NSD1: variants seen among roughly 807,000 people sequenced by gnomAD.
NSD1 encodes the protein nuclear receptor binding SET domain protein 1.
NSD1 carries 26 observed loss-of-function variants against 242.7 expected under a neutral mutation model. That is an observed-to-expected ratio of 0.11 (90% CI 0.08 to 0.15). The LOEUF is 0.15. NSD1 is among the 10% of genes least tolerant of loss of function. The pLI is 1.00. For synonymous variants in NSD1, 1,106 were observed against 1,178.1 expected (o/e 0.94, Z 1.25); for missense variants, 2,495 against 3,272.8 (o/e 0.76, Z 5.80).
At position 177,207,593 on chromosome 5, in the gene NSD1, ATTTTTTTTT is replaced by A. The variant is rs150492535; in HGVS notation, c.1237-2022_1237-2014del. On this transcript the variant is annotated intron_variant, in intron 4 of 22. Transcript: ENST00000439151. ...CACCGTGCCTGGCCTATTTATTTAA[ATTTTTTTTT>A]TTTTTTTTTTTTTTTTTTTTAGAGA... is the stretch of plus-strand genomic sequence containing the variant. 2.7e-4 allele frequency among the ~76,000 whole-genome samples: 21 copies of A among 78,220 alleles called. No individual in the cohort carries two copies. The East Asian group carries it at 5.5e-3, about 20-fold the overall frequency. The allele number at this position is 78,220 out of a possible 152,430, so 51.3% of individuals were successfully genotyped here.
chr5:177,169,146 A>T (rs1046296055), intron 2 of NSD1, among the ~76,000 whole-genome samples: 1 of 152,146 alleles, frequency 6.6e-6, no homozygotes, highest in African/African-American at 2.4e-5. Flanking sequence ...CAGACCACCA[A>T]GCAGTGACCA....
intron 2 of NSD1, chr5:177,136,927 ATCC>A (rs1756389054): frequency 5.7e-6 from 4 of 700,890 alleles, no homozygotes; most frequent in Non-Finnish European, 1.0e-5. Flanking sequence ...GGCTCATTCG[ATCC>A]TCCTGCATCA....
intron 12 of NSD1, among the ~76,000 whole-genome samples, chr5:177,254,372 AC>A (rs886132696): frequency 5.3e-5 from 8 of 152,060 alleles, no homozygotes; most frequent in Non-Finnish European, 1.0e-4. Flanking sequence ...GTTTTGCTTA[AC>A]CCAGTGTCAC....
chr5:177,270,985 A>G (rs1213194008), intron 16 of NSD1, among the ~76,000 whole-genome samples: 5 of 152,226 alleles, frequency 3.3e-5, no homozygotes, highest in Non-Finnish European at 7.4e-5. Context: ...GTGGTCAGGG[A>G]TAAAGTCGCC....
At chr5:177,192,426 T>C (rs1488287409) in intron 3 of NSD1, among the ~76,000 whole-genome samples, 3 of 151,906 alleles carry the variant, frequency 2.0e-5, no homozygotes, top group Non-Finnish European at 2.9e-5. Context: ...GATGGAGTTT[T>C]GCTCTTGTTG....
At position 177,134,119 on chromosome 5, in the gene NSD1, C is replaced by T. The variant is rs1470620188; in HGVS notation, c.-18+167C>T. ...GCGCTGCAGCCGCCGGCCTCCTCCCCCTCCCCCTCCTCCATCACTACCAGC... is the reference window on the plus strand; with the variant it reads ...GCGCTGCAGCCGCCGGCCTCCTCCCTCTCCCCCTCCTCCATCACTACCAGC... On this transcript the variant is annotated intron_variant, in intron 1 of 22. Coordinates refer to ENST00000439151, the MANE Select transcript of NSD1 (RefSeq NM_022455.5). This position sits in a 1 kb window ranked among gnomAD's most constrained non-coding sequence, Gnocchi z 4.2. 2.0e-5 allele frequency: 3 copies of T among 150,944 alleles called. No homozygotes were observed. Among genetic ancestry groups the T allele is most frequent in the Non-Finnish European group, 4.4e-5 (3 of 67,558 alleles). 9.4% of individuals were successfully genotyped at this position (150,944 alleles called of 1,614,324 possible).
chr5:177,198,803 T>C (rs1222449200), intron 3 of NSD1, among the ~76,000 whole-genome samples: 1 of 152,198 alleles, frequency 6.6e-6, no homozygotes, highest in Non-Finnish European at 1.5e-5. Context: ...GGCTTTAGAT[T>C]TGTATACTCA....
rs191287223 is a variant in NSD1, at chr5:177,264,676, C to T, written c.5147-2886C>T. 30 of 505,360 alleles carry T rather than the reference C, an allele frequency of 5.9e-5. No homozygotes were observed. In the Admixed American group the frequency reaches 8.3e-4, roughly 14 times the overall value. The allele number at this position is 505,360 out of a possible 1,614,324, so 31.3% of individuals were successfully genotyped here. On this transcript the variant is annotated intron_variant, in intron 14 of 22. Coordinates refer to ENST00000439151, the MANE Select transcript of NSD1 (RefSeq NM_022455.5). ...CTGGCCCCAACAAAAACAAATAAAA[C>T]TCCCACTCTTATTTTAAGAGCTTGT...
intron 3 of NSD1, among the ~76,000 whole-genome samples, chr5:177,201,462 T>C (rs2149833220): frequency 6.6e-6 from 1 of 152,318 alleles, no homozygotes; most frequent in African/African-American, 2.4e-5. Flanking sequence ...TTCTAGTTTA[T>C]GATAGTGTTT....
At chr5:177,136,421 C>T (rs1484897981) in intron 2 of NSD1, 3 of 183,384 alleles carry the variant, frequency 1.6e-5, no homozygotes, top group East Asian at 2.6e-4. Context: ...CTATATGTGG[C>T]AGATTATTTT....
intron 18 of NSD1, 54 bp downstream of exon 18, chr5:177,280,888 T>C (rs532306900): frequency 6.4e-7 from 1 of 1,561,654 alleles, no homozygotes; most frequent in East Asian, 2.2e-5. Context: ...TTGCTTGATA[T>C]CATTGATCCT....
rs147717302 is a variant in NSD1, at chr5:177,197,370, C to G, written c.1063+5351C>G. On this transcript the variant is annotated intron_variant, in intron 3 of 22. Transcript: ENST00000439151. The stretch of plus-strand genomic sequence containing the variant: ...GGGTGCAGTGGCTCACGCCTATAAT[C>G]CCAGCACTTCGGGAGGCCGAGGCAG... Among the ~76,000 whole-genome samples the G allele has an allele frequency of 8.4e-3, 1,279 of 152,010 alleles. 22 individuals carry two copies. Among genetic ancestry groups the G allele is most frequent in the African/African-American group, 0.029 (1,223 of 41,472 alleles).
At chr5:177,248,438 C>T in intron 11 of NSD1, 114 bp downstream of exon 11, 1 of 1,289,404 alleles carries the variant, frequency 7.8e-7, no homozygotes, top group Non-Finnish European at 1.1e-6. Context: ...TTGGATGATT[C>T]CAGTGGAGTC....
Position 177,135,838 on chromosome 5 carries a change from C to T in NSD1, c.735C>T (p.Asp245=), listed in dbSNP as rs1441140443. The T allele has an allele frequency of 1.2e-5, 20 of 1,605,870 alleles. No homozygotes were observed. The highest frequency in any genetic ancestry group is 3.3e-4 in the Middle Eastern group (2 of 6,054). ...AAAATAAGCAAAGAAATGAAGTGGA[C>T]GGCAGCAATGAAAAAGCAGCCCTTC... The part of the protein sequence containing the change: ...TQKNKQRNEV[D]GSNEKAALLP... Residue 245 remains aspartate (D), a synonymous_variant, in exon 2 of 23, where the codon GAC becomes GAT. Transcript: ENST00000439151.
At chr5:177,263,303 T>C (rs1264977835) in intron 14 of NSD1, among the ~76,000 whole-genome samples, 5 of 152,242 alleles carry the variant, frequency 3.3e-5, no homozygotes, top group Admixed American at 3.3e-4. Context: ...AAGAAGAATT[T>C]TCCTTACTTG....
At chr5:177,153,589 C>T (rs1397964657) in intron 2 of NSD1, among the ~76,000 whole-genome samples, 1 of 151,652 alleles carries the variant, frequency 6.6e-6, no homozygotes, top group Non-Finnish European at 1.5e-5. Context: ...TAAATATTTT[C>T]CCAATCTGGT....
intron 5 of NSD1, among the ~76,000 whole-genome samples, chr5:177,220,186 C>G (rs1483315667): frequency 6.6e-6 from 1 of 152,044 alleles, no homozygotes; most frequent in African/African-American, 2.4e-5. Flanking sequence ...TCAATTCTGT[C>G]ATTATTTGCT....
chr5:177,173,291 CAAAAAAAAA>C (rs60043429), intron 2 of NSD1, among the ~76,000 whole-genome samples: 2 of 97,046 alleles, frequency 2.1e-5, no homozygotes, highest in Non-Finnish European at 2.1e-5. Flanking sequence ...GACTCTGTCT[CAAAAAAAAA>C]AAAAAAAAAA....
chr5:177,215,317 C>T (rs932481389), intron 5 of NSD1, among the ~76,000 whole-genome samples: 2 of 151,068 alleles, frequency 1.3e-5, no homozygotes, highest in Non-Finnish European at 2.9e-5. Flanking sequence ...GCTGGGATTA[C>T]AGGCATATAC....
Sources: gnomAD v4.1 joint callset for allele counts (sites outside exome capture counted in the v4.1 genomes callset) on GRCh38, gnomAD v4.1.1 for gene constraint, Gnocchi (gnomAD v3.1) non-coding constraint, MANE v1.5 for transcripts, NCBI Gene and HGNC (gene_info 2026-07-23, HGNC 2026-07-21) for gene names.